IGF2: variants seen among roughly 807,000 people sequenced by gnomAD.
The protein encoded by IGF2 is insulin-like growth factor 2.
IGF2 carries 2 observed loss-of-function variants against 12.0 expected under a neutral mutation model. That is an observed-to-expected ratio of 0.17 (90% confidence interval 0.07 to 0.52). The LOEUF is 0.52. Among genes scored for constraint, IGF2 ranks in the 20% least tolerant of loss-of-function variants. The pLI is 0.95. For missense variants in IGF2, 211 were observed against 268.0 expected (o/e 0.79, Z 1.48); for synonymous variants, 105 against 110.1 (o/e 0.95, Z 0.29).
rs1024186036 is a variant in IGF2 at position 2,129,249 on chromosome 11, G to A, written c.*3738C>T. 5 of 204,966 alleles carry A rather than the reference G, an allele frequency of 2.4e-5. No individual in the cohort carries two copies. The highest frequency in any genetic ancestry group is 7.3e-5 in the East Asian group (1 of 13,622). 12.7% of individuals were successfully genotyped at this position (204,966 alleles called of 1,614,324 possible). On this transcript the variant is annotated 3_prime_UTR_variant, in exon 4 of 4. Coordinates refer to ENST00000416167, the MANE Select transcript of IGF2 (RefSeq NM_000612.6). The surrounding 1 kb of genome is among the most constrained non-coding windows in gnomAD (Gnocchi z 8.1). The stretch of plus-strand genomic sequence containing the variant: ...TCAAACACGGGCCGCAAGGTGGACC[G>A]AGGCGGCAGGCACAGGTGACATTCA...
chr11:2,135,258 G>A lies in IGF2; in HGVS notation c.157+109C>T, dbSNP rs150982790. ...GGAAGGTCAAAGTCTCAGAGCAAGC[G>A]GCTGGGCTGCTGACCTAGGAGTGTG... is the stretch of plus-strand genomic sequence containing the variant. On this transcript the variant is annotated intron_variant, in intron 2 of 3. Coordinates refer to ENST00000416167, the MANE Select transcript of IGF2 (RefSeq NM_000612.6). 213 of 1,011,428 alleles carry A rather than the reference G, an allele frequency of 2.1e-4. 1 individual carries two copies. In the East Asian group the frequency reaches 5.8e-3, roughly 27 times the overall value. The allele number at this position is 1,011,428 out of a possible 1,614,324, so 62.7% of individuals were successfully genotyped here.
In IGF2 at chr11:2,131,564, T is replaced by G. The variant is rs1564891390; in HGVS notation, c.*1423A>C. 1.2e-5 allele frequency: 2 copies of G among 168,418 alleles called. No individual in the cohort carries two copies. Among genetic ancestry groups the G allele is most frequent in the Non-Finnish European group, 2.4e-5 (2 of 83,028 alleles). 10.4% of individuals were successfully genotyped at this position (168,418 alleles called of 1,614,324 possible). A position where few individuals can be genotyped will look rare whatever the true frequency, so the allele number is the denominator to read the frequency against. On this transcript the variant is annotated 3_prime_UTR_variant, in exon 4 of 4. Transcript: ENST00000416167. ...GCTGTGTGTGCATGTGTGTGCTGTG[T>G]GTTTGTGTGTGTGCTGTGTTCATGT...
At chr11:2,139,980 C>G (rs370423534), upstream of IGF2, among the ~76,000 whole-genome samples, 131 of 152,222 alleles carry the variant, frequency 8.6e-4, 1 homozygote, top group East Asian at 0.023. Context: ...CGAGCGCCCC[C>G]CGGTGCCGCG....
In IGF2 at chr11:2,133,414, C is replaced by G. The variant is rs886421694; in HGVS notation, c.306+103G>C. ...ACAGCAAGCAAGGAAGTCACGGGTC[C>G]TTGTCCCTGGCCAAGAGGTCCCAGA... On this transcript the variant is annotated intron_variant, in intron 3 of 3. Coordinates refer to ENST00000416167, the MANE Select transcript of IGF2 (RefSeq NM_000612.6). The surrounding 1 kb of genome is among the most constrained non-coding windows in gnomAD (Gnocchi z 8.9). 2.2e-5 allele frequency: 29 copies of G among 1,341,360 alleles called. No homozygotes were observed. The highest frequency in any genetic ancestry group is 2.9e-5 in the Non-Finnish European group (29 of 990,776). The allele number at this position is 1,341,360 out of a possible 1,614,324, so 83.1% of individuals were successfully genotyped here.
In IGF2 at chr11:2,131,001, G is replaced by C. The variant is rs1221320583; in HGVS notation, c.*1986C>G. Reference sequence around the variant, plus strand: ...GCTCAGCTACCGCCATCTCCAATGTGGCCAAACTCCTTCCTCACTCTGGCT... The same window carrying C: ...GCTCAGCTACCGCCATCTCCAATGTCGCCAAACTCCTTCCTCACTCTGGCT... On this transcript the variant is annotated 3_prime_UTR_variant, in exon 4 of 4. Coordinates refer to ENST00000416167, the MANE Select transcript of IGF2 (RefSeq NM_000612.6). 4.4e-6 allele frequency: 1 copy of C among 227,828 alleles called. No individual in the cohort carries two copies. The highest frequency in any genetic ancestry group is 8.7e-6 in the Non-Finnish European group (1 of 114,816). The allele number at this position is 227,828 out of a possible 1,614,324, so 14.1% of individuals were successfully genotyped here. A position where few individuals can be genotyped will look rare whatever the true frequency, so the allele number is the denominator to read the frequency against.
rs1280222224 is a variant in IGF2 at position 2,130,697 on chromosome 11, C to A, written c.*2290G>T. 1 of 202,666 alleles carries A rather than the reference C, an allele frequency of 4.9e-6. No individual in the cohort carries two copies. The allele number at this position is 202,666 out of a possible 1,614,324, so 12.6% of individuals were successfully genotyped here. On this transcript the variant is annotated 3_prime_UTR_variant, in exon 4 of 4. Transcript: ENST00000416167. Reference sequence around the variant, plus strand: ...TTCTCTATGTAATTCTGCAAGTCTGCTGTCAATCCTCCTGACTTTTCCATC... The same window carrying A: ...TTCTCTATGTAATTCTGCAAGTCTGATGTCAATCCTCCTGACTTTTCCATC...
rs1047521338 is a variant in IGF2 at position 2,129,819 on chromosome 11, G to A, written c.*3168C>T. 12 of 232,226 alleles carry A rather than the reference G, an allele frequency of 5.2e-5. No homozygotes were observed. Among genetic ancestry groups the A allele is most frequent in the Non-Finnish European group, 8.5e-5 (10 of 117,508 alleles). The allele number at this position is 232,226 out of a possible 1,614,324, so 14.4% of individuals were successfully genotyped here. The stretch of plus-strand genomic sequence containing the variant: ...CTGAGCTGGGGGCACAAGTGGGGGC[G>A]AGGTAAACCTCCCAGAGGCCGAGTC... On this transcript the variant is annotated 3_prime_UTR_variant, in exon 4 of 4. Coordinates refer to ENST00000416167, the MANE Select transcript of IGF2 (RefSeq NM_000612.6). The surrounding 1 kb of genome is among the most constrained non-coding windows in gnomAD (Gnocchi z 8.1).
intron 1 of IGF2, among the ~76,000 whole-genome samples, chr11:2,137,687 T>A (rs550503065): frequency 1.3e-5 from 2 of 152,294 alleles, no homozygotes; most frequent in African/African-American, 4.8e-5. Context: ...TTGGAAATGT[T>A]GCGGACAGAG....
Position 2,132,553 on chromosome 11 carries a change from T to A in IGF2, c.*434A>T, listed in dbSNP as rs543940445. On this transcript the variant is annotated 3_prime_UTR_variant, in exon 4 of 4. Transcript: ENST00000416167. ...GCCAATTCGTTTTTAATACTTTTTT[T>A]TTTTAGCCAATTGATTTTTTTTGGT... is the stretch of plus-strand genomic sequence containing the variant. 4.7e-6 allele frequency: 1 copy of A among 213,626 alleles called. No homozygotes were observed. The highest frequency in any genetic ancestry group is 1.9e-4 in the South Asian group (1 of 5,296). 13.2% of individuals were successfully genotyped at this position (213,626 alleles called of 1,614,324 possible).
intron 1 of IGF2, among the ~76,000 whole-genome samples, chr11:2,136,321 G>C (rs1859045973): frequency 6.6e-6 from 1 of 152,244 alleles, no homozygotes. Context: ...AGTAAGGCCA[G>C]GGGCCTCCAG....
Position 2,135,356 on chromosome 11 carries a change from CAG to C in IGF2, c.157+9_157+10del, listed in dbSNP as rs747262444. On this transcript the variant is annotated intron_variant, in intron 2 of 3. Coordinates refer to ENST00000416167, the MANE Select transcript of IGF2 (RefSeq NM_000612.6). ...TGACCAGGTCTGAGGAAGCCCCTCC[CAG>C]CTACTTACTGAAGTAGAAGCCGCGG... 13 of 1,602,684 alleles carry C rather than the reference CAG, an allele frequency of 8.1e-6. No individual in the cohort carries two copies. The highest frequency in any genetic ancestry group is 1.1e-5 in the Non-Finnish European group (13 of 1,174,338).
At position 2,138,942 on chromosome 11, in the gene IGF2, T is replaced by A; in HGVS notation, c.-720A>T. Reference sequence around the variant, plus strand: ...TTTGGGCCGACGGAGCCCTCTGCCGTCGCGAGCCCGGGCCTCGGGAGGGGG... The same window carrying A: ...TTTGGGCCGACGGAGCCCTCTGCCGACGCGAGCCCGGGCCTCGGGAGGGGG... On this transcript the variant is annotated 5_prime_UTR_variant, in exon 1 of 4. Transcript: ENST00000416167. The A allele has an allele frequency of 1.0e-6, 1 of 982,256 alleles. No homozygotes were observed. The highest frequency in any genetic ancestry group is 1.2e-6 in the Non-Finnish European group (1 of 828,692). The allele number at this position is 982,256 out of a possible 1,614,324, so 60.8% of individuals were successfully genotyped here.
intron 1 of IGF2, 92 bp from the exon 2 acceptor site, chr11:2,135,621 A>C: frequency 1.8e-6 from 2 of 1,104,104 alleles, no homozygotes; most frequent in Non-Finnish European, 2.6e-6. Context: ...CCAACCTACA[A>C]ATTCAGTTGA....
upstream of IGF2, chr11:2,140,608 C>G: frequency 2.0e-6 from 1 of 510,232 alleles, no homozygotes. Context: ...ACTTTGGGAC[C>G]CTCCAGCCGC....
upstream of IGF2, chr11:2,141,142 G>A: frequency 1.1e-5 from 2 of 184,478 alleles, no homozygotes; most frequent in South Asian, 1.7e-4. Flanking sequence ...ACGCTAGAGA[G>A]AAATTTCCCA....
chr11:2,133,657 C>T lies in IGF2; in HGVS notation c.166G>A (p.Ala56Thr), dbSNP rs1212009594. Residue 56 changes from alanine (A) to threonine (T), a missense_variant, in exon 3 of 4, where the codon GCA becomes ACA. Physicochemically the swap from Ala to Thr is moderately conservative, Grantham distance 58 (BLOSUM62 0). Coordinates refer to ENST00000416167, the MANE Select transcript of IGF2 (RefSeq NM_000612.6). This position sits in a 1 kb window ranked among gnomAD's most constrained non-coding sequence, Gnocchi z 8.9. ...CGGCTGCGACGGCTCACACGGCTTG[C>T]GGGCCTGCCTGGAAGTCCCACAGCA... Reference protein sequence around the residue: ...GDRGFYFSRPASRVSRRSRGI... With the variant: ...GDRGFYFSRPTSRVSRRSRGI... 3.7e-6 allele frequency: 6 copies of T among 1,612,754 alleles called. No individual in the cohort carries two copies. Among genetic ancestry groups the T allele is most frequent in the Admixed American group, 1.7e-5 (1 of 59,990 alleles).
upstream of IGF2, chr11:2,146,190 TC>T: frequency 1.9e-6 from 1 of 517,114 alleles, no homozygotes; most frequent in Non-Finnish European, 3.9e-6. Flanking sequence ...CTGCTCCCCA[TC>T]CCCTCGCTCA....
Position 2,138,853 on chromosome 11 carries a change from C to A in IGF2, c.-631G>T, listed in dbSNP as rs956173385. The A allele has an allele frequency of 2.1e-5, 18 of 849,366 alleles. No homozygotes were observed. The African/African-American group carries it at 7.2e-4, about 34-fold the overall frequency. The allele number at this position is 849,366 out of a possible 1,614,324, so 52.6% of individuals were successfully genotyped here. A position where few individuals can be genotyped will look rare whatever the true frequency, so the allele number is the denominator to read the frequency against. ...AGGGAAGGGCGCCACGTCGAGGGGC[C>A]GGGGGAGGCGGTGACTGGGGGGCGG... On this transcript the variant is annotated 5_prime_UTR_variant, in exon 1 of 4. Coordinates refer to ENST00000416167, the MANE Select transcript of IGF2 (RefSeq NM_000612.6).
At chr11:2,140,574 T>A (rs1476924356), upstream of IGF2, 2 of 487,040 alleles carry the variant, frequency 4.1e-6, no homozygotes, top group East Asian at 9.2e-5. Context: ...TCCGCGTCCC[T>A]CGCCCCAGCC....
Sources: gnomAD v4.1 joint callset for allele counts (sites outside exome capture counted in the v4.1 genomes callset) on GRCh38, gnomAD v4.1.1 for gene constraint, Gnocchi (gnomAD v3.1) non-coding constraint, MANE v1.5 for transcripts, NCBI Gene and HGNC (gene_info 2026-07-23, HGNC 2026-07-21) for gene names.